Variants in HMBOX1 observed in about 807,000 individuals in gnomAD.
HMBOX1 encodes the protein homeobox-containing protein 1.
HMBOX1 carries 14 observed loss-of-function variants against 54.5 expected under a neutral mutation model. The observed-to-expected ratio is 0.26, with a 90% confidence interval of 0.17 to 0.40. HMBOX1 has a LOEUF of 0.40. Ranked by LOEUF, HMBOX1 falls within the 10% of genes least tolerant of loss-of-function variation. The probability of loss-of-function intolerance (pLI) is 1.00; values close to 1 mark genes in which losing one functional copy is unlikely to be tolerated. For missense variants in HMBOX1, 332 were observed against 514.4 expected (o/e 0.65, Z 3.43); for synonymous variants, 160 against 181.0 (o/e 0.88, Z 0.93).
intron 3 of HMBOX1, among the ~76,000 whole-genome samples, chr8:28,977,922 C>A (rs1828691075): frequency 6.8e-6 from 1 of 146,486 alleles, no homozygotes; most frequent in African/African-American, 2.5e-5. Flanking sequence ...CCAGCCTGGG[C>A]GACTGAGCGA....
In HMBOX1 at chr8:28,963,537, A is replaced by G. The variant is rs547359638; in HGVS notation, c.-57-274A>G. Among the ~76,000 whole-genome samples, 5 of 152,310 alleles carry G rather than the reference A, an allele frequency of 3.3e-5. No homozygotes were observed. In the South Asian group the frequency reaches 8.3e-4, roughly 25 times the overall value. On this transcript the variant is annotated intron_variant, in intron 1 of 9. Transcript: ENST00000287701. The stretch of plus-strand genomic sequence containing the variant: ...AGAGTTAATGGAAATCAGTGCCTCT[A>G]TAACTATGGTTTTAACCAGCTAATA...
intron 1 of HMBOX1, among the ~76,000 whole-genome samples, chr8:28,955,398 G>T (rs545741009): frequency 3.3e-5 from 5 of 152,148 alleles, no homozygotes; most frequent in Admixed American, 2.6e-4. Context: ...GCATATGTAT[G>T]TCTGCCTTTA....
chr8:29,049,262 C>T, intron 9 of HMBOX1: 6 of 1,527,414 alleles, frequency 3.9e-6, no homozygotes, highest in Non-Finnish European at 4.4e-6. Flanking sequence ...TCGTTATTCA[C>T]CCACATGGAT....
chr8:28,939,221 A>C (rs574773869), intron 1 of HMBOX1, among the ~76,000 whole-genome samples: 88 of 151,722 alleles, frequency 5.8e-4, no homozygotes, highest in African/African-American at 2.0e-3. Flanking sequence ...CCTGGGAGGC[A>C]GAGGTTGCGG....
intron 1 of HMBOX1, among the ~76,000 whole-genome samples, chr8:28,900,265 A>ATATAT (rs1311095400): frequency 1.0e-3 from 40 of 39,814 alleles, no homozygotes; most frequent in African/African-American, 1.7e-3. Context: ...AAAAAAAAAA[A>ATATAT]AAAAAAATAT....
In HMBOX1 at chr8:29,032,504, T is replaced by C. The variant is rs543658234; in HGVS notation, c.852-12857T>C. 1.9e-4 allele frequency among the ~76,000 whole-genome samples: 29 copies of C among 152,236 alleles called. 2 individuals carry two copies. Among genetic ancestry groups the C allele is most frequent in the South Asian group, 1.9e-3 (9 of 4,820 alleles). ...TTCCTGCTGATTTGTGTTACACAGG[T>C]ACATTGTTAACAAAAATTATAAAAT... On this transcript the variant is annotated intron_variant, in intron 6 of 9. Coordinates refer to ENST00000287701, the MANE Select transcript of HMBOX1 (RefSeq NM_001135726.3).
intron 6 of HMBOX1, among the ~76,000 whole-genome samples, chr8:29,036,359 T>G (rs187974448): frequency 7.6e-4 from 116 of 152,322 alleles, no homozygotes; most frequent in African/African-American, 2.5e-3. Context: ...AGCTTTGTTT[T>G]CTGCTAGTGC....
At chr8:28,924,886 A>G (rs1818171470) in intron 1 of HMBOX1, 1 of 150,380 alleles carries the variant, frequency 6.6e-6, no homozygotes, top group Non-Finnish European at 1.5e-5. Flanking sequence ...TGCTGGGATT[A>G]CAGGCATGAG....
chr8:28,957,568 T>G (rs573543500), intron 1 of HMBOX1, among the ~76,000 whole-genome samples: 1 of 33,508 alleles, frequency 3.0e-5, no homozygotes, highest in African/African-American at 1.0e-4. Context: ...AAATAAAAGT[T>G]GAAAAACAAA....
At chr8:28,962,568 G>A (rs1237603693) in intron 1 of HMBOX1, among the ~76,000 whole-genome samples, 1 of 152,090 alleles carries the variant, frequency 6.6e-6, no homozygotes, top group Non-Finnish European at 1.5e-5. Context: ...CTGTGTTAAA[G>A]GCCAGCAACA....
chr8:28,934,401 G>A (rs1018143281), intron 1 of HMBOX1, among the ~76,000 whole-genome samples: 5 of 152,148 alleles, frequency 3.3e-5, no homozygotes, highest in Non-Finnish European at 7.4e-5. Flanking sequence ...CTTGGGACTG[G>A]CAGCAGGGCA....
chr8:29,026,592 T>A (rs1802085638), intron 6 of HMBOX1, among the ~76,000 whole-genome samples: 1 of 152,164 alleles, frequency 6.6e-6, no homozygotes, highest in South Asian at 2.1e-4. Context: ...ATACTTACCC[T>A]CCATATTTAA....
chr8:28,895,397 A>G (rs1811906653), intron 1 of HMBOX1, among the ~76,000 whole-genome samples: 1 of 152,192 alleles, frequency 6.6e-6, no homozygotes, highest in Non-Finnish European at 1.5e-5. Flanking sequence ...AATATAGGCC[A>G]GGCATGGTGG....
At chr8:28,990,754 A>G (rs1252402224) in intron 4 of HMBOX1, among the ~76,000 whole-genome samples, 1 of 151,918 alleles carries the variant, frequency 6.6e-6, no homozygotes, top group African/African-American at 2.4e-5. Context: ...CCTAGGTTCA[A>G]GCGATTCTCC....
chr8:29,049,203 T>G, intron 9 of HMBOX1, 155 bp downstream of exon 9: 1 of 1,498,976 alleles, frequency 6.7e-7, no homozygotes, highest in Non-Finnish European at 8.9e-7. Context: ...TTCATGTAAT[T>G]TGAAAGGAAT....
chr8:28,907,001 G>A (rs1814469111), intron 1 of HMBOX1, among the ~76,000 whole-genome samples: 1 of 152,144 alleles, frequency 6.6e-6, no homozygotes, highest in South Asian at 2.1e-4. Context: ...TATTGAAAAT[G>A]TTATCAAAAT....
At chr8:29,048,510 T>G (rs1308178308) in intron 8 of HMBOX1, 1 of 152,398 alleles carries the variant, frequency 6.6e-6, no homozygotes, top group African/African-American at 2.4e-5. Flanking sequence ...AAATTGCATT[T>G]CATTTCTTCC....
In HMBOX1 at chr8:28,970,289, A is replaced by C. The variant is rs370727503; in HGVS notation, c.270A>C (p.Thr90=). ...CTTCCTCTACAGCTACAGCTTCCAC[A>C]CAGACGCAGCATTCGGGAATGTCCC... is the stretch of plus-strand genomic sequence containing the variant. ...PASSSTATAS[T]QTQHSGMSPS... Residue 90 remains threonine, a synonymous_variant, in exon 3 of 10, where the codon ACA becomes ACC. Transcript: ENST00000287701. This position sits in a 1 kb window ranked among gnomAD's most constrained non-coding sequence, Gnocchi z 4.3. 2.2e-4 allele frequency: 356 copies of C among 1,614,104 alleles called. No homozygotes were observed. Among genetic ancestry groups the C allele is most frequent in the Non-Finnish European group, 2.9e-4 (341 of 1,180,038 alleles).
chr8:28,896,746 A>G (rs1812190724), intron 1 of HMBOX1, among the ~76,000 whole-genome samples: 1 of 152,234 alleles, frequency 6.6e-6, no homozygotes, highest in South Asian at 2.1e-4. Context: ...AATAGGCTAT[A>G]CCACCTAGGC....
Sources: allele counts gnomAD v4.1 joint callset (sites outside exome capture counted in the v4.1 genomes callset), GRCh38; gene constraint gnomAD v4.1.1; non-coding constraint Gnocchi (gnomAD v3.1); transcripts MANE v1.5; gene names NCBI Gene and HGNC (gene_info 2026-07-23, HGNC 2026-07-21).